ANK3: variants seen among roughly 807,000 people sequenced by gnomAD.
ANK3 encodes ankyrin 3.
Under a neutral mutation model 370.9 loss-of-function variants are expected in ANK3, and 57 were observed. That is an observed-to-expected ratio of 0.15 (90% confidence interval 0.12 to 0.19). ANK3 has a LOEUF of 0.19. Among genes scored for constraint, ANK3 ranks in the 10% least tolerant of loss-of-function variants. The pLI, the probability that ANK3 is intolerant of heterozygous loss-of-function variation, is 1.00. For missense variants in ANK3, 4,439 were observed against 5,302.1 expected (o/e 0.84, Z 5.06); for synonymous variants, 1,929 against 1,946.3 (o/e 0.99, Z 0.23).
At chr10:60,100,466 T>C (rs563706479) in intron 28 of ANK3, among the ~76,000 whole-genome samples, 40 of 152,212 alleles carry the variant, frequency 2.6e-4, no homozygotes, top group African/African-American at 8.9e-4. Flanking sequence ...ATGAACCCAA[T>C]TGGCAACTTC....
chr10:60,043,223 A>C (rs894691164), intron 42 of ANK3: 2 of 986,426 alleles, frequency 2.0e-6, no homozygotes, highest in African/African-American at 1.7e-5. Context: ...CCAAGAAGGC[A>C]TCTATTTTGC....
At chr10:60,359,152 G>A (rs2058235120) in intron 1 of ANK3, among the ~76,000 whole-genome samples, 1 of 152,088 alleles carries the variant, frequency 6.6e-6, no homozygotes, top group Admixed American at 6.6e-5. Context: ...CACTAGGGAG[G>A]TGCTCAAGGA....
At position 60,196,590 on chromosome 10, in the gene ANK3, A is replaced by G. The variant is rs772918133; in HGVS notation, c.1725T>C (p.Tyr575=). ...GGAGATTGGCGACTTCAAGCTTTCC[A>G]TATTTTGCTGCCACATGAAGAGGAG... ...GFTPLHVAAK[Y]GKLEVANLLL... is the part of the protein sequence containing the mutation. The change falls in exon 15 of 44, where the codon TAT becomes TAC. Residue 575 remains tyrosine (Y), a synonymous_variant. Transcript: ENST00000280772. The G allele has an allele frequency of 1.2e-6, 2 of 1,612,096 alleles. No homozygotes were observed. The highest frequency in any genetic ancestry group is 1.7e-6 in the Non-Finnish European group (2 of 1,179,446).
intron 12 of ANK3, among the ~76,000 whole-genome samples, chr10:60,200,527 G>C (rs186328854): frequency 4.6e-5 from 7 of 152,186 alleles, no homozygotes; most frequent in Admixed American, 2.0e-4. Flanking sequence ...AGCCAAGCAG[G>C]GGGGTGAGTG....
chr10:60,565,403 T>A (rs1184566864), intron 2 of ANK3, among the ~76,000 whole-genome samples: 2 of 128,534 alleles, frequency 1.6e-5, no homozygotes, highest in Non-Finnish European at 3.4e-5. Flanking sequence ...TGCCTGCCAC[T>A]GTGCGGCCCG....
At chr10:60,646,852 T>C (rs2133357437) in intron 1 of ANK3, among the ~76,000 whole-genome samples, 1 of 152,190 alleles carries the variant, frequency 6.6e-6, no homozygotes, top group East Asian at 1.9e-4. Flanking sequence ...CCCTGAAATG[T>C]GTCCCTGGGA....
Position 60,263,997 on chromosome 10 carries a change from C to A in ANK3, c.537G>T (p.Val179=), listed in dbSNP as rs757746722. 2 of 1,613,970 alleles carry A rather than the reference C, an allele frequency of 1.2e-6. No homozygotes were observed. Among genetic ancestry groups the A allele is most frequent in the East Asian group, 4.5e-5 (2 of 44,882 alleles). The change falls in exon 6 of 44, where the codon GTG becomes GTT. Residue 179 remains valine, a synonymous_variant. Coordinates refer to ENST00000280772, the MANE Select transcript of ANK3 (RefSeq NM_020987.5). ...ATEDGFTPLA[V]ALQQGHDQVV... is the part of the protein sequence containing the mutation. ...CTTGGTCGTGACCTTGTTGCAAAGC[C>A]ACTGCCAATGGTGTGAAGCCATCCT...
At chr10:60,655,907 C>T (rs922561362) in intron 1 of ANK3, among the ~76,000 whole-genome samples, 6 of 152,158 alleles carry the variant, frequency 3.9e-5, no homozygotes, top group Non-Finnish European at 7.3e-5. Context: ...TTACAATTGC[C>T]TACAGTATTC....
At chr10:60,536,822 C>T (rs577337918) in intron 2 of ANK3, among the ~76,000 whole-genome samples, 140 of 151,940 alleles carry the variant, frequency 9.2e-4, no homozygotes, top group Admixed American at 2.5e-3. Context: ...ATAGTGCACC[C>T]AAGAGTATAA....
chr10:60,582,074 G>A (rs916627412), intron 2 of ANK3, among the ~76,000 whole-genome samples: 3 of 152,030 alleles, frequency 2.0e-5, no homozygotes, highest in African/African-American at 7.2e-5. Context: ...TCAACAATGA[G>A]AACGCATGGA....
At chr10:60,135,891 T>A (rs116516342) in intron 24 of ANK3, among the ~76,000 whole-genome samples, 1 of 152,120 alleles carries the variant, frequency 6.6e-6, no homozygotes, top group Non-Finnish European at 1.5e-5. Flanking sequence ...GCCTTCACTT[T>A]TATCAGAATC....
In ANK3 at chr10:60,172,375, C is replaced by A; in HGVS notation, c.2411G>T (p.Arg804Leu). Residue 804 changes from arginine to leucine, a missense_variant, in exon 21 of 44, where the codon CGG becomes CTG. By Grantham distance (102) the Arg-to-Leu change is moderately radical. Transcript: ENST00000280772. ...VNGNTALGIA[R>L]RLGYISVVDT... ...CACTACTGAGATGTAGCCGAGGCGC[C>A]GGGCAATGCCAAGGGCAGTATTCCC... 6 of 1,613,944 alleles carry A rather than the reference C, an allele frequency of 3.7e-6. No individual in the cohort carries two copies. Among genetic ancestry groups the A allele is most frequent in the Non-Finnish European group, 5.1e-6 (6 of 1,179,900 alleles).
chr10:60,138,611 AAAT>A, intron 24 of ANK3: 1 of 443,008 alleles, frequency 2.3e-6, no homozygotes, highest in Non-Finnish European at 4.0e-6. Context: ...ACTTATTAGC[AAAT>A]AATACTTTCT....
rs36033791 is a variant in ANK3 at position 60,141,561 on chromosome 10, G to GTTTTTTTTTTT, written c.2615-2485_2615-2475dup. The stretch of plus-strand genomic sequence containing the variant: ...CACTGGAGAGGCCATTTCAATTGCT[G>GTTTTTTTTTTT]TTTTTTTTTTTTTTTTTTTTTTTTT... On this transcript the variant is annotated intron_variant, in intron 23 of 43. Coordinates refer to ENST00000280772, the MANE Select transcript of ANK3 (RefSeq NM_020987.5). 6.9e-4 allele frequency among the ~76,000 whole-genome samples: 34 copies of GTTTTTTTTTTT among 49,018 alleles called. 3 individuals are homozygous for GTTTTTTTTTTT. Among genetic ancestry groups the GTTTTTTTTTTT allele is most frequent in the African/African-American group, 2.7e-3 (29 of 10,742 alleles). The allele number at this position is 49,018 out of a possible 152,430, so 32.2% of individuals were successfully genotyped here. A position where few individuals can be genotyped will look rare whatever the true frequency, so the allele number is the denominator to read the frequency against.
intron 16 of ANK3, among the ~76,000 whole-genome samples, chr10:60,191,156 C>A (rs1417497062): frequency 2.0e-5 from 3 of 152,106 alleles, no homozygotes; most frequent in South Asian, 4.1e-4. Flanking sequence ...AAGAAAAACT[C>A]TTTTGGGCAT....
At chr10:60,056,180 T>A in intron 41 of ANK3, 144 bp from the exon 42 acceptor site, 2 of 1,059,554 alleles carry the variant, frequency 1.9e-6, no homozygotes, top group Non-Finnish European at 2.6e-6. Context: ...CCACTGGATT[T>A]AAAATGTAGC....
intron 2 of ANK3, among the ~76,000 whole-genome samples, chr10:60,567,441 T>A (rs2077490349): frequency 6.6e-6 from 1 of 152,158 alleles, no homozygotes; most frequent in African/African-American, 2.4e-5. Context: ...TTAAGCCTAC[T>A]GTTGAGACCT....
At chr10:60,666,431 A>C (rs117921832) in intron 1 of ANK3, among the ~76,000 whole-genome samples, 1 of 152,130 alleles carries the variant, frequency 6.6e-6, no homozygotes, top group Non-Finnish European at 1.5e-5. Flanking sequence ...TTGTTGTGTA[A>C]TGAGTACAGA....
intron 28 of ANK3, among the ~76,000 whole-genome samples, chr10:60,100,719 C>A (rs1182926026): frequency 2.0e-5 from 3 of 152,098 alleles, no homozygotes; most frequent in Non-Finnish European, 4.4e-5. Flanking sequence ...CATTTTGTTC[C>A]AAGACAGCGA....
Sources: allele counts gnomAD v4.1 joint callset (sites outside exome capture counted in the v4.1 genomes callset), GRCh38; gene constraint gnomAD v4.1.1; transcripts MANE v1.5; gene names NCBI Gene and HGNC (gene_info 2026-07-23, HGNC 2026-07-21).